Variants in CSGALNACT1 observed in about 807,000 individuals in gnomAD.
The protein encoded by CSGALNACT1 is chondroitin sulfate N-acetylgalactosaminyltransferase 1, also known as beta4GalNAcT-1.
In CSGALNACT1, 52 loss-of-function variants were observed where a neutral mutation model predicts 51.0. That is an observed-to-expected ratio of 1.02 (90% CI 0.82 to 1.29). The LOEUF (loss-of-function observed/expected upper bound fraction) is 1.29. CSGALNACT1 is among the 50% of genes most tolerant of loss of function. CSGALNACT1 has a pLI of 0.00. For missense variants in CSGALNACT1, 935 were observed against 679.2 expected (o/e 1.38, Z -4.19); for synonymous variants, 341 against 254.4 (o/e 1.34, Z -3.24).
chr8:19,588,657 C>A (rs2047170385), intron 3 of CSGALNACT1, among the ~76,000 whole-genome samples: 1 of 152,174 alleles, frequency 6.6e-6, no homozygotes, highest in Non-Finnish European at 1.5e-5. Context: ...AGCTTTCATT[C>A]TAGATCTAGG....
At chr8:19,582,961 T>G (rs890123864) in intron 3 of CSGALNACT1, among the ~76,000 whole-genome samples, 3 of 152,122 alleles carry the variant, frequency 2.0e-5, no homozygotes, top group Non-Finnish European at 2.9e-5. Flanking sequence ...ATTTCTTAGC[T>G]TGAAGTCCCA....
chr8:19,672,419 TC>T (rs1261456275), intron 1 of CSGALNACT1, among the ~76,000 whole-genome samples: 1 of 152,200 alleles, frequency 6.6e-6, no homozygotes, highest in Non-Finnish European at 1.5e-5. Context: ...GTTTCTCTTC[TC>T]CCACCTTTCA....
chr8:19,714,483 T>C (rs1177594743), intron 1 of CSGALNACT1, among the ~76,000 whole-genome samples: 2 of 152,166 alleles, frequency 1.3e-5, no homozygotes, highest in Non-Finnish European at 2.9e-5. Context: ...AGTCTCCTTC[T>C]GGAATTCCAA....
At chr8:19,475,870 T>A (rs1184727715) in intron 4 of CSGALNACT1, among the ~76,000 whole-genome samples, 1 of 152,184 alleles carries the variant, frequency 6.6e-6, no homozygotes, top group Non-Finnish European at 1.5e-5. Flanking sequence ...AGAACTGAAT[T>A]TCCATTCCAT....
chr8:19,435,351 G>C (rs2060220797), intron 6 of CSGALNACT1, among the ~76,000 whole-genome samples: 1 of 152,070 alleles, frequency 6.6e-6, no homozygotes, highest in Admixed American at 6.6e-5. Context: ...GAATTCGCTG[G>C]GTGTGGTGGC....
In CSGALNACT1 at chr8:19,621,038, G is replaced by A. The variant is rs568102589; in HGVS notation, c.-543-19173C>T. Among the ~76,000 whole-genome samples, 5 of 152,252 alleles carry A rather than the reference G, an allele frequency of 3.3e-5. No individual in the cohort carries two copies. The South Asian group carries it at 8.3e-4, about 25-fold the overall frequency. On this transcript the variant is annotated intron_variant, in intron 1 of 9. Transcript: ENST00000332246. ...AGTTAGAGGTCTTGGTCATTTTTAC[G>A]AAAATGAAAAATGAACAACTAGTCT...
chr8:19,488,799 G>C (rs1299818115), intron 4 of CSGALNACT1, among the ~76,000 whole-genome samples: 1 of 152,094 alleles, frequency 6.6e-6, no homozygotes, highest in Non-Finnish European at 1.5e-5. Context: ...ATAAACTCAG[G>C]AAAAGAGAAG....
chr8:19,457,673 T>A, intron 5 of CSGALNACT1: 1 of 1,298,618 alleles, frequency 7.7e-7, no homozygotes, highest in South Asian at 1.2e-5. Flanking sequence ...ACAGTAGGAT[T>A]TTCTATGTTT....
intron 2 of CSGALNACT1, among the ~76,000 whole-genome samples, chr8:19,596,066 T>C (rs938571511): frequency 2.0e-5 from 3 of 152,026 alleles, no homozygotes; most frequent in Non-Finnish European, 2.9e-5. Flanking sequence ...AGGGGTCTTG[T>C]CATGTTGCCT....
intron 1 of CSGALNACT1, among the ~76,000 whole-genome samples, chr8:19,749,646 A>G (rs1246755179): frequency 6.6e-6 from 1 of 152,190 alleles, no homozygotes; most frequent in South Asian, 2.1e-4. Flanking sequence ...AGGCTAGTCT[A>G]CAGAACTGCA....
intron 1 of CSGALNACT1, among the ~76,000 whole-genome samples, chr8:19,647,579 T>TAATCCTA (rs1422381886): frequency 1.3e-5 from 2 of 152,250 alleles, no homozygotes; most frequent in African/African-American, 4.8e-5. Context: ...ATCTCAGTGC[T>TAATCCTA]AATCCTAATT....
chr8:19,690,147 G>T (rs2061219997), intron 1 of CSGALNACT1, among the ~76,000 whole-genome samples: 1 of 152,192 alleles, frequency 6.6e-6, no homozygotes, highest in South Asian at 2.1e-4. Flanking sequence ...AAGGTTCAAA[G>T]CAGTTATATT....
intron 1 of CSGALNACT1, among the ~76,000 whole-genome samples, chr8:19,661,079 ATTT>A (rs67272509): frequency 7.0e-6 from 1 of 143,644 alleles, no homozygotes. Flanking sequence ...CACCTGGCTA[ATTT>A]TTTTTTTTTT....
At chr8:19,600,597 T>G (rs913081910) in intron 2 of CSGALNACT1, among the ~76,000 whole-genome samples, 1 of 152,208 alleles carries the variant, frequency 6.6e-6, no homozygotes, top group Non-Finnish European at 1.5e-5. Flanking sequence ...CCACTTGACT[T>G]TCTACTTAGG....
chr8:19,710,172 C>T (rs1345881965), intron 1 of CSGALNACT1, among the ~76,000 whole-genome samples: 2 of 152,230 alleles, frequency 1.3e-5, no homozygotes, highest in South Asian at 4.1e-4. Flanking sequence ...GAAAAAGAAA[C>T]CCAAAAAGCC....
At chr8:19,722,420 A>G (rs945355451) in intron 1 of CSGALNACT1, among the ~76,000 whole-genome samples, 3 of 152,208 alleles carry the variant, frequency 2.0e-5, no homozygotes, top group Non-Finnish European at 4.4e-5. Flanking sequence ...GTACCCTACA[A>G]TGTAGGTGTT....
chr8:19,612,555 T>C (rs2052410908), intron 1 of CSGALNACT1, among the ~76,000 whole-genome samples: 1 of 152,028 alleles, frequency 6.6e-6, no homozygotes, highest in Admixed American at 6.6e-5. Flanking sequence ...GTGACTTCCC[T>C]GTTCTGCTAG....
chr8:19,637,898 T>C (rs527440189), intron 1 of CSGALNACT1, among the ~76,000 whole-genome samples: 13 of 151,864 alleles, frequency 8.6e-5, no homozygotes, highest in Admixed American at 7.2e-4. Flanking sequence ...CTGATATTAG[T>C]TGAGGTTAGC....
At chr8:19,497,271 C>T (rs78864597) in intron 4 of CSGALNACT1, among the ~76,000 whole-genome samples, 10 of 152,232 alleles carry the variant, frequency 6.6e-5, no homozygotes, top group Admixed American at 2.6e-4. Context: ...GAGAGAAGTA[C>T]AGAGACCTTC....
Sources: gnomAD v4.1 joint callset for allele counts (sites outside exome capture counted in the v4.1 genomes callset) on GRCh38, gnomAD v4.1.1 for gene constraint, MANE v1.5 for transcripts, NCBI Gene and HGNC (gene_info 2026-07-23, HGNC 2026-07-21) for gene names.